SPAG16: variants seen among roughly 807,000 people sequenced by gnomAD.
SPAG16 encodes the protein sperm-associated antigen 16 protein.
A neutral mutation model predicts 80.4 loss-of-function variants in SPAG16; 86 were observed. That is an observed-to-expected ratio of 1.07 (90% confidence interval 0.90 to 1.28). The LOEUF (loss-of-function observed/expected upper bound fraction) is 1.28. SPAG16 is among the 50% of genes most tolerant of loss of function. The pLI, the probability that SPAG16 is intolerant of heterozygous loss-of-function variation, is 0.00. For missense variants in SPAG16, 870 were observed against 765.3 expected, an observed-to-expected ratio of 1.14 and a Z score of -1.61; for synonymous variants, 294 against 265.9, an observed-to-expected ratio of 1.11 and a Z score of -1.03.
intron 10 of SPAG16, among the ~76,000 whole-genome samples, chr2:213,578,345 A>G (rs1418786229): frequency 6.6e-6 from 1 of 152,154 alleles, no homozygotes; most frequent in Non-Finnish European, 1.5e-5. Context: ...GTGTGAGAAA[A>G]CTACTTTGTA....
At chr2:213,566,335 A>G (rs1307110612) in intron 10 of SPAG16, among the ~76,000 whole-genome samples, 1 of 152,108 alleles carries the variant, frequency 6.6e-6, no homozygotes, top group Non-Finnish European at 1.5e-5. Flanking sequence ...ATTTAAGGAG[A>G]TTTTAACTTC....
intron 10 of SPAG16, among the ~76,000 whole-genome samples, chr2:213,690,340 G>A (rs1470371653): frequency 6.6e-6 from 1 of 152,222 alleles, no homozygotes; most frequent in Admixed American, 6.5e-5. Context: ...TGGCTCTCCA[G>A]CAAGGGCTGC....
intron 15 of SPAG16, among the ~76,000 whole-genome samples, chr2:214,248,617 G>A (rs1002784989): frequency 1.3e-4 from 20 of 151,832 alleles, no homozygotes; most frequent in African/African-American, 3.9e-4. Context: ...ATGCCCGGCC[G>A]TGCTAGGCAC....
At position 213,576,761 on chromosome 2, in the gene SPAG16, G is replaced by T. The variant is rs564922039; in HGVS notation, c.1070+86671G>T. ...TAGTGCTTGTTCTCACTTAATGGGAGAACTAAATGATAAGTGGGAACTAAA... is the reference window on the plus strand; with the variant it reads ...TAGTGCTTGTTCTCACTTAATGGGATAACTAAATGATAAGTGGGAACTAAA... On this transcript the variant is annotated intron_variant, in intron 10 of 15. Coordinates refer to ENST00000331683, the MANE Select transcript of SPAG16 (RefSeq NM_024532.5). Among the ~76,000 whole-genome samples, 5 of 152,234 alleles carry T rather than the reference G, an allele frequency of 3.3e-5. No individual in the cohort carries two copies. The South Asian group carries it at 1.0e-3, about 32-fold the overall frequency.
intron 15 of SPAG16, among the ~76,000 whole-genome samples, chr2:214,265,315 T>C (rs13036015): frequency 6.6e-6 from 1 of 152,106 alleles, no homozygotes; most frequent in East Asian, 1.9e-4. Context: ...TGTACAGTAG[T>C]ATCTCATTGT....
intron 10 of SPAG16, among the ~76,000 whole-genome samples, chr2:213,626,196 A>G (rs1559321927): frequency 6.6e-6 from 1 of 152,198 alleles, no homozygotes; most frequent in South Asian, 2.1e-4. Flanking sequence ...AAACCAGAAG[A>G]TTCTGAAAAT....
At chr2:213,778,012 G>T (rs1025063838) in intron 10 of SPAG16, among the ~76,000 whole-genome samples, 4 of 151,990 alleles carry the variant, frequency 2.6e-5, no homozygotes, top group Non-Finnish European at 5.9e-5. Context: ...AATTTCTTAG[G>T]AAAGGTGCTA....
At chr2:214,207,567 T>C (rs946435809) in intron 15 of SPAG16, among the ~76,000 whole-genome samples, 2 of 152,194 alleles carry the variant, frequency 1.3e-5, no homozygotes, top group African/African-American at 4.8e-5. Flanking sequence ...TTATTTCTTA[T>C]TATTATTTCT....
At chr2:213,348,562 G>A (rs1042552082) in intron 6 of SPAG16, among the ~76,000 whole-genome samples, 1 of 152,068 alleles carries the variant, frequency 6.6e-6, no homozygotes. Flanking sequence ...AGCTCTTTTA[G>A]GGCAGGCCTG....
intron 10 of SPAG16, among the ~76,000 whole-genome samples, chr2:213,631,274 G>T (rs1305042329): frequency 6.6e-6 from 1 of 151,880 alleles, no homozygotes; most frequent in Non-Finnish European, 1.5e-5. Context: ...AACAAACCAT[G>T]GACTATGTAG....
chr2:214,290,629 T>C (rs1693730844), intron 15 of SPAG16, among the ~76,000 whole-genome samples: 1 of 152,240 alleles, frequency 6.6e-6, no homozygotes, highest in African/African-American at 2.4e-5. Flanking sequence ...AGTTTCTTCA[T>C]TGGCCCAATG....
At chr2:213,556,645 G>T (rs1254934026) in intron 10 of SPAG16, among the ~76,000 whole-genome samples, 2 of 152,044 alleles carry the variant, frequency 1.3e-5, no homozygotes, top group Non-Finnish European at 2.9e-5. Context: ...AATAATGGAA[G>T]GGGACTTCAA....
intron 15 of SPAG16, among the ~76,000 whole-genome samples, chr2:214,157,863 C>A (rs1239396461): frequency 6.6e-6 from 1 of 152,086 alleles, no homozygotes; most frequent in East Asian, 1.9e-4. Flanking sequence ...CATCATTGCA[C>A]AAATTATGAA....
intron 10 of SPAG16, among the ~76,000 whole-genome samples, chr2:213,771,783 A>G (rs6727597): frequency 8.7e-4 from 133 of 152,118 alleles, no homozygotes; most frequent in African/African-American, 2.8e-3. Flanking sequence ...TATTTCTGAG[A>G]TCTCTATTCT....
chr2:214,050,638 A>G (rs2049594783), intron 13 of SPAG16, among the ~76,000 whole-genome samples: 1 of 152,214 alleles, frequency 6.6e-6, no homozygotes, highest in African/African-American at 2.4e-5. Context: ...TATACATATA[A>G]AAGTATTATG....
At position 213,810,721 on chromosome 2, in the gene SPAG16, G is replaced by A. The variant is rs78596803; in HGVS notation, c.1071-51764G>A. Reference sequence around the variant, plus strand: ...TGGGGAAAGACTGGTCTTTAGTTTCGTGGTGCGGAAGTACTAGGGTGGGGA... The same window carrying A: ...TGGGGAAAGACTGGTCTTTAGTTTCATGGTGCGGAAGTACTAGGGTGGGGA... On this transcript the variant is annotated intron_variant, in intron 10 of 15. Transcript: ENST00000331683. Among the ~76,000 whole-genome samples, 1,457 of 152,270 alleles carry A rather than the reference G, an allele frequency of 9.6e-3. 19 individuals are homozygous for A. The highest frequency in any genetic ancestry group is 0.034 in the African/African-American group (1,396 of 41,534).
intron 9 of SPAG16, among the ~76,000 whole-genome samples, chr2:213,455,270 T>G (rs1010929431): frequency 4.6e-5 from 7 of 152,212 alleles, no homozygotes; most frequent in African/African-American, 1.7e-4. Context: ...ATGGAGTAGC[T>G]TAACTTCAAA....
chr2:214,143,098 C>G (rs1425923551), intron 14 of SPAG16, among the ~76,000 whole-genome samples: 2 of 152,126 alleles, frequency 1.3e-5, no homozygotes, highest in African/African-American at 4.8e-5. Flanking sequence ...CTTAGTGACT[C>G]TAAAGCCACA....
chr2:214,394,542 A>G (rs1284770225), intron 15 of SPAG16, among the ~76,000 whole-genome samples: 1 of 152,198 alleles, frequency 6.6e-6, no homozygotes, highest in Non-Finnish European at 1.5e-5. Context: ...AAAATTAGCT[A>G]TTAAACTCAT....
Sources: gnomAD v4.1 joint callset for allele counts (sites outside exome capture counted in the v4.1 genomes callset) on GRCh38, gnomAD v4.1.1 for gene constraint, MANE v1.5 for transcripts, NCBI Gene and HGNC (gene_info 2026-07-23, HGNC 2026-07-21) for gene names.